The following SORL1 variants were observed in gnomAD, a reference collection of about 807,000 sequenced individuals.
SORL1 encodes the protein sortilin-related receptor.
In SORL1, 127 loss-of-function variants were observed where a neutral mutation model predicts 273.7. The observed-to-expected ratio is 0.46, with a 90% CI of 0.40 to 0.54. SORL1 has a LOEUF of 0.54. Ranked by LOEUF, SORL1 falls within the 20% of genes least tolerant of loss-of-function variation. The pLI is 0.00. For missense variants in SORL1, 2,494 were observed against 2,846.1 expected, an observed-to-expected ratio of 0.88 and a Z score of 2.81; for synonymous variants, 1,031 against 1,067.4, an observed-to-expected ratio of 0.97 and a Z score of 0.66.
chr11:121,562,864 A>G (rs190523776), intron 21 of SORL1, among the ~76,000 whole-genome samples: 3 of 152,310 alleles, frequency 2.0e-5, no homozygotes, highest in East Asian at 3.9e-4. Context: ...CATGCACAGT[A>G]TAGGTTTGGT....
In SORL1 at chr11:121,580,173, G is replaced by A. The variant is rs565552177; in HGVS notation, c.3580+2773G>A. Among the ~76,000 whole-genome samples, 8 of 152,188 alleles carry A rather than the reference G, an allele frequency of 5.3e-5. No homozygotes were observed. In the South Asian group the frequency reaches 8.3e-4, roughly 16 times the overall value. ...TTGTTTTAAGATCTGAGAATTTTTC[G>A]AAAGACAACTCTGGGAAGTTACAGC... On this transcript the variant is annotated intron_variant, in intron 25 of 47. Coordinates refer to ENST00000260197, the MANE Select transcript of SORL1 (RefSeq NM_003105.6).
At chr11:121,499,645 A>G (rs755678) in intron 6 of SORL1, among the ~76,000 whole-genome samples, 10,853 of 152,256 alleles carry the variant, frequency 0.071, 466 homozygotes, top group East Asian at 0.14. Flanking sequence ...CCTCCTTTTT[A>G]TTACATCAGA....
At chr11:121,465,430 C>G (rs558464175) in intron 1 of SORL1, among the ~76,000 whole-genome samples, 2 of 152,140 alleles carry the variant, frequency 1.3e-5, no homozygotes, top group Non-Finnish European at 2.9e-5. Context: ...TTCTAGCTAC[C>G]GTCATTTAGT....
Position 121,559,480 on chromosome 11 carries a change from C to T in SORL1, c.2911-39C>T, listed in dbSNP as rs186873977. 1,684 of 1,594,284 alleles carry T rather than the reference C, an allele frequency of 1.1e-3. 2 individuals are homozygous for T. The highest frequency in any genetic ancestry group is 6.7e-3 in the African/African-American group (498 of 73,802). On this transcript the variant is annotated intron_variant, in intron 20 of 47. Coordinates refer to ENST00000260197, the MANE Select transcript of SORL1 (RefSeq NM_003105.6). The stretch of plus-strand genomic sequence containing the variant: ...CCTTAGAGAGAACCAGAATAAAGAA[C>T]GAAAGAGCTGGACTAATGGGCAAAG...
intron 9 of SORL1, among the ~76,000 whole-genome samples, chr11:121,521,996 C>A (rs962908646): frequency 6.6e-6 from 1 of 152,168 alleles, no homozygotes; most frequent in Admixed American, 6.5e-5. Context: ...GTGATGGAGG[C>A]CAGACTGAAT....
intron 32 of SORL1, among the ~76,000 whole-genome samples, chr11:121,601,849 A>G (rs894013008): frequency 2.0e-5 from 3 of 152,212 alleles, no homozygotes; most frequent in African/African-American, 7.2e-5. Flanking sequence ...GTTACCCAGT[A>G]GAATACTTCT....
Position 121,595,467 on chromosome 11 carries a change from T to C in SORL1, c.4370-156T>C, listed in dbSNP as rs1477672735. 6.6e-6 allele frequency among the ~76,000 whole-genome samples: 1 copy of C among 152,246 alleles called. No individual in the cohort carries two copies. The highest frequency in any genetic ancestry group is 2.4e-5 in the African/African-American group (1 of 41,470). On this transcript the variant is annotated intron_variant, in intron 31 of 47. Transcript: ENST00000260197. The surrounding 1 kb of genome is among the most constrained non-coding windows in gnomAD (Gnocchi z 5.1). The stretch of plus-strand genomic sequence containing the variant: ...CTGTGGGGAAGCAACATTAGATGTC[T>C]GTATCTACTCTGCTCTCTATCCGGA...
intron 27 of SORL1, among the ~76,000 whole-genome samples, chr11:121,586,557 G>A (rs1863113618): frequency 6.6e-6 from 1 of 152,068 alleles, no homozygotes; most frequent in Admixed American, 6.5e-5. Flanking sequence ...GGGCGATGGT[G>A]GGATTAGATC....
At position 121,555,183 on chromosome 11, in the gene SORL1, T is replaced by A. The variant is rs1383291772; in HGVS notation, c.2440-4T>A. 2 of 1,612,430 alleles carry A rather than the reference T, an allele frequency of 1.2e-6. No individual in the cohort carries two copies. Among genetic ancestry groups the A allele is most frequent in the African/African-American group, 2.7e-5 (2 of 74,810 alleles). ...AGCATTTATTATTACTTTTCTCTCT[T>A]AAGCGCCTCTGTTTGAATGGAAGCA... On this transcript the variant is annotated splice_polypyrimidine_tract_variant and splice_region_variant and intron_variant, in intron 17 of 47. Coordinates refer to ENST00000260197, the MANE Select transcript of SORL1 (RefSeq NM_003105.6).
chr11:121,485,781 T>A (rs1565311717), intron 3 of SORL1, among the ~76,000 whole-genome samples: 1 of 152,366 alleles, frequency 6.6e-6, no homozygotes, highest in East Asian at 1.9e-4. Flanking sequence ...ATTATGATGA[T>A]CCTCTTAGGA....
At position 121,470,000 on chromosome 11, in the gene SORL1, C is replaced by G; in HGVS notation, c.286-7C>G. On this transcript the variant is annotated splice_polypyrimidine_tract_variant and splice_region_variant and intron_variant, in intron 1 of 47. Transcript: ENST00000260197. ...TGGGTCCTAATTCCTACATTGATCTCTTTCAGGTTAGTCTGAATGATTCCC... is the reference window on the plus strand; with the variant it reads ...TGGGTCCTAATTCCTACATTGATCTGTTTCAGGTTAGTCTGAATGATTCCC... 6.3e-7 allele frequency: 1 copy of G among 1,598,408 alleles called. No individual in the cohort carries two copies. The highest frequency in any genetic ancestry group is 8.6e-7 in the Non-Finnish European group (1 of 1,165,606).
In SORL1 at chr11:121,633,677, C is replaced by T. The variant is rs1005271052; in HGVS notation, c.*4114C>T. 4.6e-5 allele frequency: 7 copies of T among 152,118 alleles called. No individual in the cohort carries two copies. The highest frequency in any genetic ancestry group is 1.7e-4 in the African/African-American group (7 of 41,420). 9.4% of individuals were successfully genotyped at this position (152,118 alleles called of 1,614,324 possible). On this transcript the variant is annotated 3_prime_UTR_variant, in exon 48 of 48. Coordinates refer to ENST00000260197, the MANE Select transcript of SORL1 (RefSeq NM_003105.6). The stretch of plus-strand genomic sequence containing the variant: ...TAAAAATTTAACTGGGTCAAGAAAA[C>T]ACCTCTTTGAAAATCCACTGTCTCT...
Position 121,595,984 on chromosome 11 carries a change from T to G in SORL1, c.4519+212T>G, listed in dbSNP as rs1863290329. ...TTCTTTTTAATAAGTTGACTGCGTT[T>G]TAAATACCAGGAGCGTGTCCAATAA... On this transcript the variant is annotated intron_variant, in intron 32 of 47. Transcript: ENST00000260197. This position sits in a 1 kb window ranked among gnomAD's most constrained non-coding sequence, Gnocchi z 5.1. 6.6e-6 allele frequency among the ~76,000 whole-genome samples: 1 copy of G among 152,256 alleles called. No homozygotes were observed. Among genetic ancestry groups the G allele is most frequent in the African/African-American group, 2.4e-5 (1 of 41,468 alleles).
chr11:121,468,460 G>A (rs551861487), intron 1 of SORL1, among the ~76,000 whole-genome samples: 2 of 152,116 alleles, frequency 1.3e-5, no homozygotes, highest in East Asian at 1.9e-4. Flanking sequence ...TTGCTCTGTC[G>A]CCCAGATTGG....
intron 12 of SORL1, among the ~76,000 whole-genome samples, chr11:121,541,808 C>A (rs766992595): frequency 3.3e-5 from 5 of 152,164 alleles, no homozygotes; most frequent in Admixed American, 6.5e-5. Flanking sequence ...TCCCTCTTCT[C>A]CTTCTTCGAC....
chr11:121,542,833 A>AAT, intron 12 of SORL1, among the ~76,000 whole-genome samples: 1 of 149,152 alleles, frequency 6.7e-6, no homozygotes, highest in East Asian at 1.9e-4. Context: ...ATTATATTAT[A>AAT]ATATATATAT....
At chr11:121,561,556 G>A (rs548774652) in intron 21 of SORL1, among the ~76,000 whole-genome samples, 1 of 152,234 alleles carries the variant, frequency 6.6e-6, no homozygotes, top group East Asian at 1.9e-4. Flanking sequence ...GGGCATAGTG[G>A]CACATGCCTG....
At chr11:121,582,536 A>G (rs939703278) in intron 25 of SORL1, among the ~76,000 whole-genome samples, 4 of 152,134 alleles carry the variant, frequency 2.6e-5, no homozygotes, top group African/African-American at 9.7e-5. Context: ...GACCGTTAGG[A>G]GTGTTGGTTG....
intron 44 of SORL1, among the ~76,000 whole-genome samples, chr11:121,621,722 C>T (rs941330713): frequency 2.6e-5 from 4 of 152,212 alleles, no homozygotes; most frequent in African/African-American, 7.2e-5. Flanking sequence ...GTTGCTCAGA[C>T]AGCAGCAGGT....
Sources: allele counts gnomAD v4.1 joint callset (sites outside exome capture counted in the v4.1 genomes callset), GRCh38; gene constraint gnomAD v4.1.1; non-coding constraint Gnocchi (gnomAD v3.1); transcripts MANE v1.5; gene names NCBI Gene and HGNC (gene_info 2026-07-23, HGNC 2026-07-21).